Variants in POFUT2 observed in about 807,000 individuals in gnomAD.
The protein encoded by POFUT2 is GDP-fucose protein O-fucosyltransferase 2.
Under a neutral mutation model 55.0 loss-of-function variants are expected in POFUT2, and 30 were observed. The observed-to-expected ratio is 0.55, with a 90% CI of 0.41 to 0.74. The LOEUF (loss-of-function observed/expected upper bound fraction) is 0.74, where lower values mean the gene tolerates loss of function less well. Among genes scored for constraint, POFUT2 ranks in the 30% least tolerant of loss-of-function variants. The pLI is 0.00. For synonymous variants in POFUT2, 267 were observed against 231.1 expected, an observed-to-expected ratio of 1.16 and a Z score of -1.41; for missense variants, 524 against 562.6, an observed-to-expected ratio of 0.93 and a Z score of 0.69.
chr21:45,266,302 G>A, intron 8 of POFUT2: 1 of 1,366,098 alleles, frequency 7.3e-7, no homozygotes, highest in Non-Finnish European at 9.8e-7. Context: ...CAGAGCCACA[G>A]GGCCAGCAGG....
rs2146665705 is a variant in POFUT2, at chr21:45,282,988, G to T, written c.527+395C>A. The stretch of plus-strand genomic sequence containing the variant: ...AAAGACACAGGGAAAGAGGCACGGG[G>T]TCTCAGCCAGATGTTCATCACGGCC... On this transcript the variant is annotated intron_variant, in intron 3 of 8. Transcript: ENST00000349485. The surrounding 1 kb of genome is among the most constrained non-coding windows in gnomAD (Gnocchi z 4.6). 2.2e-6 allele frequency: 1 copy of T among 462,980 alleles called. No individual in the cohort carries two copies. The highest frequency in any genetic ancestry group is 4.5e-6 in the Non-Finnish European group (1 of 222,886). 28.7% of individuals were successfully genotyped at this position (462,980 alleles called of 1,614,324 possible). A position where few individuals can be genotyped will look rare whatever the true frequency, so the allele number is the denominator to read the frequency against.
At chr21:45,287,665 CGCCCCGCCCCCATCCCATCCTCTGACCCT>C in intron 1 of POFUT2, 47 bp downstream of exon 1, 1 of 887,792 alleles carries the variant, frequency 1.1e-6, no homozygotes, top group Non-Finnish European at 1.5e-6. Flanking sequence ...CCCCTGACCC[CGCCCCGCCCCCATCCCATCCTCTGACCCT>C]GCCCGGTCCT....
Position 45,285,821 on chromosome 21 carries a change from A to C in POFUT2, c.239T>G (p.Val80Gly). ...LKTLLKTEEWVLVLPPWGRLY... is the reference protein window; with the variant it reads ...LKTLLKTEEWGLVLPPWGRLY... ...GCGGCCCCATGGAGGCAGGACAAGC[A>C]CCCACTCCTCCGTCTTCAGCAGAGT... The change falls in exon 2 of 9, where the codon GTG becomes GGG. Residue 80 changes from valine (V) to glycine (G), a missense_variant. This residue lies in a region of POFUT2 where 274 missense variants were observed against 244.4 expected (regional missense o/e 1.12). Transcript: ENST00000349485. The surrounding 1 kb of genome is among the most constrained non-coding windows in gnomAD (Gnocchi z 4.9). The C allele has an allele frequency of 6.2e-7, 1 of 1,613,336 alleles. No individual in the cohort carries two copies. The highest frequency in any genetic ancestry group is 1.3e-5 in the African/African-American group (1 of 74,892).
chr21:45,276,985 TTTCTC>T (rs775672122), intron 6 of POFUT2, 27 bp downstream of exon 6: 154 of 1,610,454 alleles, frequency 9.6e-5, no homozygotes, highest in Non-Finnish European at 1.2e-4. Flanking sequence ...GACTTTACCT[TTTCTC>T]TAATTAACAA....
rs1446760851 is a variant in POFUT2, at chr21:45,264,185, G to C, written c.*1297C>G. 6.7e-6 allele frequency: 1 copy of C among 149,714 alleles called. No homozygotes were observed. The highest frequency in any genetic ancestry group is 2.0e-4 in the East Asian group (1 of 5,118). 9.3% of individuals were successfully genotyped at this position (149,714 alleles called of 1,614,324 possible). A position where few individuals can be genotyped will look rare whatever the true frequency, so the allele number is the denominator to read the frequency against. The stretch of plus-strand genomic sequence containing the variant: ...GCAAGGTGATGTCCTAGACTAGCCA[G>C]GCTCCGAAAGGAAGAGCTGTCTGTC... On this transcript the variant is annotated 3_prime_UTR_variant, in exon 9 of 9. Transcript: ENST00000349485.
chr21:45,280,597 C>T lies in POFUT2; in HGVS notation c.638+1752G>A, dbSNP rs527637890. ...CCCGAGCATGACAGCAATGGGGGCA[C>T]CTGCTCGCATTAACAGCAGCTGTCC... On this transcript the variant is annotated intron_variant, in intron 4 of 8. Transcript: ENST00000349485. 1.1e-4 allele frequency among the ~76,000 whole-genome samples: 17 copies of T among 152,346 alleles called. No individual in the cohort carries two copies. The South Asian group carries it at 3.5e-3, about 32-fold the overall frequency.
At position 45,263,959 on chromosome 21, in the gene POFUT2, TAAAAAG is replaced by T. The variant is rs2093132206; in HGVS notation, c.*1517_*1522del. The T allele has an allele frequency of 6.6e-6, 1 of 152,216 alleles. No individual in the cohort carries two copies. The highest frequency in any genetic ancestry group is 2.4e-5 in the African/African-American group (1 of 41,444). 9.4% of individuals were successfully genotyped at this position (152,216 alleles called of 1,614,324 possible). On this transcript the variant is annotated 3_prime_UTR_variant, in exon 9 of 9. Coordinates refer to ENST00000349485, the MANE Select transcript of POFUT2 (RefSeq NM_133635.6). Reference sequence around the variant, plus strand: ...CTTCCATAAAGCAGTTTATTTTTCTTAAAAAGGAAGGTACATGGTCACAGTCCAAAA... The same window carrying T: ...CTTCCATAAAGCAGTTTATTTTTCTTGAAGGTACATGGTCACAGTCCAAAA...
chr21:45,280,769 G>A (rs764033613), intron 4 of POFUT2, among the ~76,000 whole-genome samples: 12 of 149,074 alleles, frequency 8.0e-5, no homozygotes, highest in Non-Finnish European at 1.8e-4. Context: ...GCTGGGTTTC[G>A]TCTCAATTGC....
chr21:45,282,933 C>G lies in POFUT2; in HGVS notation c.527+450G>C, dbSNP rs553018657. 2.1e-5 allele frequency: 10 copies of G among 473,352 alleles called. No homozygotes were observed. Among genetic ancestry groups the G allele is most frequent in the African/African-American group, 9.9e-5 (5 of 50,312 alleles). The allele number at this position is 473,352 out of a possible 1,614,324, so 29.3% of individuals were successfully genotyped here. ...TCGACACTTGGGACTGACAAGACCTCCATCCCTGTGGCAACATCCAAATGC... is the reference window on the plus strand; with the variant it reads ...TCGACACTTGGGACTGACAAGACCTGCATCCCTGTGGCAACATCCAAATGC... On this transcript the variant is annotated intron_variant, in intron 3 of 8. Transcript: ENST00000349485. The surrounding 1 kb of genome is among the most constrained non-coding windows in gnomAD (Gnocchi z 4.6).
intron 7 of POFUT2, among the ~76,000 whole-genome samples, chr21:45,268,365 T>G (rs1206390315): frequency 6.6e-6 from 1 of 152,042 alleles, no homozygotes; most frequent in Admixed American, 6.5e-5. Flanking sequence ...TGCCTTGGCC[T>G]CCCAAAGTGC....
chr21:45,267,455 A>C lies in POFUT2; in HGVS notation c.1136+135T>G, dbSNP rs780999026. 2.5e-6 allele frequency: 4 copies of C among 1,613,858 alleles called. No homozygotes were observed. The highest frequency in any genetic ancestry group is 3.4e-6 in the Non-Finnish European group (4 of 1,179,876). ...GAACCAGATGCTACAGGAGACTCAG[A>C]CGAGGAGGCAAACAGTATGGAAATG... On this transcript the variant is annotated intron_variant, in intron 8 of 8. Coordinates refer to ENST00000349485, the MANE Select transcript of POFUT2 (RefSeq NM_133635.6). The surrounding 1 kb of genome is among the most constrained non-coding windows in gnomAD (Gnocchi z 4.4).
chr21:45,287,180 A>T (rs1297598291), intron 1 of POFUT2, among the ~76,000 whole-genome samples: 1 of 20,998 alleles, frequency 4.8e-5, no homozygotes, highest in East Asian at 1.5e-3. Flanking sequence ...CATCCCCCAG[A>T]CTCCAGCCCG....
intron 6 of POFUT2, among the ~76,000 whole-genome samples, chr21:45,273,992 C>T (rs1169823240): frequency 6.6e-6 from 1 of 152,056 alleles, no homozygotes; most frequent in Non-Finnish European, 1.5e-5. Flanking sequence ...AAGAAATAAA[C>T]GGCATCCAAA....
In POFUT2 at chr21:45,267,384, A is replaced by C; in HGVS notation, c.1136+206T>G. On this transcript the variant is annotated intron_variant, in intron 8 of 8. Transcript: ENST00000349485. The surrounding 1 kb of genome is among the most constrained non-coding windows in gnomAD (Gnocchi z 4.4). ...CTATGGAGGAATTCTGTGCATGAGA[A>C]CTAAAGGGGCAAGATGAACAATTAA... is the stretch of plus-strand genomic sequence containing the variant. 3.1e-6 allele frequency: 5 copies of C among 1,593,722 alleles called. No individual in the cohort carries two copies. Among genetic ancestry groups the C allele is most frequent in the Non-Finnish European group, 3.4e-6 (4 of 1,168,702 alleles).
At chr21:45,287,269 C>T (rs1367202687) in intron 1 of POFUT2, among the ~76,000 whole-genome samples, 1 of 122,724 alleles carries the variant, frequency 8.1e-6, no homozygotes, top group Non-Finnish European at 1.7e-5. Context: ...GCCCCGCCCC[C>T]ATCCCATCCC....
chr21:45,267,030 G>T lies in POFUT2; in HGVS notation c.1136+560C>A. 1 of 1,066,600 alleles carries T rather than the reference G, an allele frequency of 9.4e-7. No homozygotes were observed. Among genetic ancestry groups the T allele is most frequent in the South Asian group, 2.8e-5 (1 of 35,450 alleles). The allele number at this position is 1,066,600 out of a possible 1,614,324, so 66.1% of individuals were successfully genotyped here. On this transcript the variant is annotated intron_variant, in intron 8 of 8. Coordinates refer to ENST00000349485, the MANE Select transcript of POFUT2 (RefSeq NM_133635.6). The surrounding 1 kb of genome is among the most constrained non-coding windows in gnomAD (Gnocchi z 4.4). ...GCTCCCGGCCTCTGGGACGCTCACG[G>T]CAGCCCCACGAGAATGATCACACGA...
chr21:45,267,556 C>T lies in POFUT2; in HGVS notation c.1136+34G>A. On this transcript the variant is annotated intron_variant, in intron 8 of 8. Transcript: ENST00000349485. This position sits in a 1 kb window ranked among gnomAD's most constrained non-coding sequence, Gnocchi z 4.4. ...AGAAGAACCTTTGAAAGCCACCCGACCCGCTCTCGGCCGACAGTGACGTGG... is the reference window on the plus strand; with the variant it reads ...AGAAGAACCTTTGAAAGCCACCCGATCCGCTCTCGGCCGACAGTGACGTGG... The T allele has an allele frequency of 3.1e-6, 5 of 1,614,204 alleles. No individual in the cohort carries two copies. Among genetic ancestry groups the T allele is most frequent in the Non-Finnish European group, 3.4e-6 (4 of 1,180,038 alleles).
At chr21:45,283,722 A>T (rs1331297214) in intron 2 of POFUT2, among the ~76,000 whole-genome samples, 195 bp from the exon 3 acceptor site, 2 of 152,196 alleles carry the variant, frequency 1.3e-5, no homozygotes, top group African/African-American at 4.8e-5. Flanking sequence ...GTGCAACTGC[A>T]GCTGGCGGGG....
At chr21:45,279,480 G>A (rs1424741615) in intron 4 of POFUT2, among the ~76,000 whole-genome samples, 1 of 152,208 alleles carries the variant, frequency 6.6e-6, no homozygotes, top group African/African-American at 2.4e-5. Context: ...GCATTTTATA[G>A]AATAACATTT....
Sources: gnomAD v4.1 joint callset for allele counts (sites outside exome capture counted in the v4.1 genomes callset) on GRCh38, gnomAD v4.1.1 for gene constraint, gnomAD v4.1.1 regional missense constraint, Gnocchi (gnomAD v3.1) non-coding constraint, MANE v1.5 for transcripts, NCBI Gene and HGNC (gene_info 2026-07-23, HGNC 2026-07-21) for gene names.